LSAMP: variants seen among roughly 807,000 people sequenced by gnomAD.
LSAMP encodes the protein limbic system associated membrane protein, also known as limbic system-associated membrane protein.
LSAMP carries 7 observed loss-of-function variants against 38.6 expected under a neutral mutation model. The observed-to-expected ratio is 0.18, with a 90% confidence interval of 0.10 to 0.34. The LOEUF is 0.34. Ranked by LOEUF, LSAMP falls within the 10% of genes least tolerant of loss-of-function variation. The pLI is 1.00. For missense variants in LSAMP, 313 were observed against 420.0 expected (o/e 0.75, Z 2.23); for synonymous variants, 154 against 166.8 (o/e 0.92, Z 0.59).
At chr3:116,056,130 ATTAT>A (rs940496329) in intron 2 of LSAMP, among the ~76,000 whole-genome samples, 7 of 152,268 alleles carry the variant, frequency 4.6e-5, no homozygotes, top group Admixed American at 2.0e-4. Flanking sequence ...TTATTCATGT[ATTAT>A]TTATTTATTT....
chr3:115,897,069 C>T (rs573801264), intron 3 of LSAMP, among the ~76,000 whole-genome samples: 3 of 152,144 alleles, frequency 2.0e-5, no homozygotes, highest in Admixed American at 6.5e-5. Flanking sequence ...TAAGAAGCCT[C>T]GCTTATGATT....
At chr3:116,094,897 T>C (rs1708193328) in intron 1 of LSAMP, among the ~76,000 whole-genome samples, 2 of 152,216 alleles carry the variant, frequency 1.3e-5, no homozygotes, top group South Asian at 4.1e-4. Context: ...CTCAGCATAG[T>C]TCTTTAAATC....
chr3:116,309,496 C>T (rs1424771637), intron 1 of LSAMP, among the ~76,000 whole-genome samples: 1 of 152,088 alleles, frequency 6.6e-6, no homozygotes, highest in East Asian at 1.9e-4. Flanking sequence ...TAAATAGCTA[C>T]ATTTGGCTAG....
intron 3 of LSAMP, among the ~76,000 whole-genome samples, chr3:115,865,661 G>C (rs1935837527): frequency 2.0e-5 from 3 of 152,114 alleles, no homozygotes; most frequent in Admixed American, 2.0e-4. Flanking sequence ...CTCTTTCACA[G>C]ACTTACTGAA....
chr3:116,072,987 A>G (rs1180376747), intron 2 of LSAMP, among the ~76,000 whole-genome samples: 1 of 152,118 alleles, frequency 6.6e-6, no homozygotes, highest in Non-Finnish European at 1.5e-5. Flanking sequence ...GCTTCTGCCT[A>G]TGTCCTGAAA....
intron 3 of LSAMP, among the ~76,000 whole-genome samples, chr3:115,930,002 GTTTTT>G (rs1170325465): frequency 3.7e-4 from 30 of 80,292 alleles, no homozygotes; most frequent in Middle Eastern, 0.034. Flanking sequence ...TTTAGCAGAA[GTTTTT>G]TTTTTTTTTT....
intron 3 of LSAMP, among the ~76,000 whole-genome samples, chr3:115,895,492 A>G (rs570805567): frequency 5.3e-5 from 8 of 152,084 alleles, no homozygotes; most frequent in Non-Finnish European, 1.0e-4. Context: ...GATTTAGTAA[A>G]CAAAAATACA....
intron 3 of LSAMP, among the ~76,000 whole-genome samples, chr3:115,861,886 G>A (rs1210608800): frequency 6.6e-6 from 1 of 152,148 alleles, no homozygotes; most frequent in African/African-American, 2.4e-5. Flanking sequence ...AGCAGGGACT[G>A]CAGAACATTT....
At chr3:116,131,030 G>T (rs193094791) in intron 1 of LSAMP, among the ~76,000 whole-genome samples, 46 of 130,880 alleles carry the variant, frequency 3.5e-4, no homozygotes, top group Non-Finnish European at 6.3e-4. Flanking sequence ...TTGATCTGTC[G>T]CCCAGGCTGG....
chr3:115,842,654 A>G (rs1417822038), intron 4 of LSAMP, 76 bp from the exon 5 acceptor site: 1 of 1,570,406 alleles, frequency 6.4e-7, no homozygotes, highest in Non-Finnish European at 8.7e-7. Context: ...GGAATGAAGA[A>G]GGACAATCTG....
chr3:116,060,246 CTGAGTA>C lies in LSAMP; in HGVS notation c.388+26072_388+26077del, dbSNP rs548572756. On this transcript the variant is annotated intron_variant, in intron 2 of 6. Transcript: ENST00000490035. ...CATTGTAAAGGTAGCCAAATAAATT[CTGAGTA>C]TGAGTTCTTTATTTCTCGCAAGTCA... Among the ~76,000 whole-genome samples the C allele has an allele frequency of 1.3e-3, 193 of 145,570 alleles. 1 individual carries two copies. The highest frequency in any genetic ancestry group is 1.6e-3 in the Non-Finnish European group (107 of 67,488).
At chr3:116,152,181 T>C (rs902167192) in intron 1 of LSAMP, among the ~76,000 whole-genome samples, 1 of 152,046 alleles carries the variant, frequency 6.6e-6, no homozygotes, top group East Asian at 1.9e-4. Flanking sequence ...GCCAAGATAT[T>C]TTGGGGCTTT....
chr3:115,909,601 T>A (rs181964288), intron 3 of LSAMP, among the ~76,000 whole-genome samples: 1 of 152,346 alleles, frequency 6.6e-6, no homozygotes, highest in African/African-American at 2.4e-5. Flanking sequence ...GGTTTCTATT[T>A]CCTCTTTTTT....
At chr3:116,049,976 T>C (rs1356896856) in intron 2 of LSAMP, among the ~76,000 whole-genome samples, 1 of 152,178 alleles carries the variant, frequency 6.6e-6, no homozygotes, top group Admixed American at 6.5e-5. Flanking sequence ...CTGGATACCC[T>C]CCATTTACAC....
Position 116,377,187 on chromosome 3 carries a change from G to A in LSAMP, c.155+67690C>T, listed in dbSNP as rs138575977. Among the ~76,000 whole-genome samples the A allele has an allele frequency of 2.5e-3, 387 of 152,012 alleles. 1 individual carries two copies. Among genetic ancestry groups the A allele is most frequent in the African/African-American group, 8.8e-3 (367 of 41,514 alleles). ...TATCAACCCATTACCTAGGTATCAA[G>A]CCCAGCATGCATTTGCTCTTTTTCC... On this transcript the variant is annotated intron_variant, in intron 1 of 6. Transcript: ENST00000490035.
intron 1 of LSAMP, among the ~76,000 whole-genome samples, chr3:116,350,613 AT>A (rs1471778662): frequency 7.0e-6 from 1 of 143,222 alleles, no homozygotes; most frequent in Non-Finnish European, 1.5e-5. Flanking sequence ...CACAGTGCTT[AT>A]GTCAAGGAAC....
chr3:116,181,115 C>T (rs1318169738), intron 1 of LSAMP, among the ~76,000 whole-genome samples: 1 of 151,966 alleles, frequency 6.6e-6, no homozygotes, highest in East Asian at 1.9e-4. Context: ...ATATAACATC[C>T]TTATAATAGC....
intron 1 of LSAMP, among the ~76,000 whole-genome samples, chr3:116,242,621 GT>G (rs1449336015): frequency 6.6e-6 from 1 of 151,980 alleles, no homozygotes; most frequent in East Asian, 1.9e-4. Flanking sequence ...TTTCTAACAT[GT>G]TTTTCCAAGT....
intron 2 of LSAMP, among the ~76,000 whole-genome samples, chr3:116,039,348 G>C (rs1181302332): frequency 6.6e-6 from 1 of 152,140 alleles, no homozygotes; most frequent in African/African-American, 2.4e-5. Flanking sequence ...AAATGCTTTG[G>C]GGATGAGACC....
Sources: allele counts gnomAD v4.1 joint callset (sites outside exome capture counted in the v4.1 genomes callset), GRCh38; gene constraint gnomAD v4.1.1; transcripts MANE v1.5; gene names NCBI Gene and HGNC (gene_info 2026-07-23, HGNC 2026-07-21).